The following RPRD1B variants were observed in gnomAD, a reference collection of about 807,000 sequenced individuals.
RPRD1B encodes the protein regulation of nuclear pre-mRNA domain containing 1B.
In RPRD1B, 11 loss-of-function variants were observed where a neutral mutation model predicts 41.5. That is an observed-to-expected ratio of 0.27 (90% CI 0.17 to 0.44). The LOEUF is 0.44. Among genes scored for constraint, RPRD1B ranks in the 20% least tolerant of loss-of-function variants. The pLI is 1.00. For missense variants in RPRD1B, 248 were observed against 389.9 expected (o/e 0.64, Z 3.06); for synonymous variants, 158 against 155.6 (o/e 1.02, Z -0.12).
At chr20:38,040,147 C>G (rs562705664) in intron 1 of RPRD1B, among the ~76,000 whole-genome samples, 31 of 152,262 alleles carry the variant, frequency 2.0e-4, no homozygotes, top group South Asian at 1.2e-3. Context: ...GACTGCTTAT[C>G]CTTTAGGAAT....
intron 2 of RPRD1B, among the ~76,000 whole-genome samples, chr20:38,047,427 T>A (rs1419319891): frequency 6.6e-6 from 1 of 152,164 alleles, no homozygotes; most frequent in Non-Finnish European, 1.5e-5. Flanking sequence ...CTCCTTGAAG[T>A]TCCTATTAAA....
In RPRD1B at chr20:38,092,138, G is replaced by T. The variant is rs533672561; in HGVS notation, c.*2263G>T. ...GTTTTTGTGTTTTTTCTTTCTTAGG[G>T]CATCTGTAGGCCTCAAAGGACCTTT... On this transcript the variant is annotated 3_prime_UTR_variant, in exon 7 of 7. Coordinates refer to ENST00000373433, the MANE Select transcript of RPRD1B (RefSeq NM_021215.4). 12 of 985,528 alleles carry T rather than the reference G, an allele frequency of 1.2e-5. No individual in the cohort carries two copies. The African/African-American group carries it at 1.4e-4, about 11-fold the overall frequency. The allele number at this position is 985,528 out of a possible 1,614,324, so 61.0% of individuals were successfully genotyped here. A position where few individuals can be genotyped will look rare whatever the true frequency, so the allele number is the denominator to read the frequency against.
At chr20:38,089,601 C>T in intron 6 of RPRD1B, 125 bp from the exon 7 acceptor site, 1 of 715,128 alleles carries the variant, frequency 1.4e-6, no homozygotes. Flanking sequence ...TATAGCTGAA[C>T]AGGGTGGGCA....
At chr20:38,071,075 G>A (rs747000474) in intron 6 of RPRD1B, among the ~76,000 whole-genome samples, 5 of 152,148 alleles carry the variant, frequency 3.3e-5, no homozygotes, top group African/African-American at 4.8e-5. Flanking sequence ...GACTGTCAGC[G>A]ATCTAGAACT....
chr20:38,040,625 T>G, intron 2 of RPRD1B, 61 bp downstream of exon 2: 1 of 1,545,206 alleles, frequency 6.5e-7, no homozygotes, highest in Admixed American at 2.0e-5. Context: ...CTTTTTGTTC[T>G]TTCCTTTTCT....
intron 5 of RPRD1B, among the ~76,000 whole-genome samples, chr20:38,065,057 C>T (rs2074340606): frequency 6.6e-6 from 1 of 151,696 alleles, no homozygotes; most frequent in Non-Finnish European, 1.5e-5. Flanking sequence ...TGAAACGCTG[C>T]TTTCATTTTT....
intron 1 of RPRD1B, among the ~76,000 whole-genome samples, chr20:38,035,591 C>G (rs941281334): frequency 6.6e-6 from 1 of 152,144 alleles, no homozygotes; most frequent in Admixed American, 6.5e-5. Context: ...CTCAGCCCTT[C>G]GGGCAGTTCC....
chr20:38,076,905 CCTTTTTTT>C (rs2074466054), intron 6 of RPRD1B, among the ~76,000 whole-genome samples: 17 of 95,200 alleles, frequency 1.8e-4, no homozygotes, highest in Admixed American at 1.6e-3. Context: ...TCATTCTGGA[CCTTTTTTT>C]TTTTTTTTTT....
In RPRD1B at chr20:38,037,133, A is replaced by G. The variant is rs77937114; in HGVS notation, c.151+3035A>G. Among the ~76,000 whole-genome samples, 1,121 of 152,332 alleles carry G rather than the reference A, an allele frequency of 7.4e-3. 15 individuals are homozygous for G. The highest frequency in any genetic ancestry group is 0.025 in the African/African-American group (1,055 of 41,564). ...AGACTGTCTCTGAGTTGCCTTCAAA[A>G]TATATGAGATTTATAAAAATTAACT... is the stretch of plus-strand genomic sequence containing the variant. On this transcript the variant is annotated intron_variant, in intron 1 of 6. Transcript: ENST00000373433.
intron 5 of RPRD1B, among the ~76,000 whole-genome samples, chr20:38,064,514 G>T (rs979543294): frequency 1.3e-5 from 2 of 152,112 alleles, no homozygotes; most frequent in Non-Finnish European, 2.9e-5. Flanking sequence ...CTACTCTTTT[G>T]ATTCATTCAG....
At chr20:38,034,911 A>C (rs1389359959) in intron 1 of RPRD1B, among the ~76,000 whole-genome samples, 1 of 152,200 alleles carries the variant, frequency 6.6e-6, no homozygotes, top group Non-Finnish European at 1.5e-5. Flanking sequence ...CCAGCAACTT[A>C]ACCTGTCTGT....
chr20:38,043,044 T>A (rs926142982), intron 2 of RPRD1B, among the ~76,000 whole-genome samples: 6 of 152,220 alleles, frequency 3.9e-5, no homozygotes, highest in African/African-American at 1.4e-4. Flanking sequence ...GTGCCTTCTA[T>A]GTGCCAAGTA....
At chr20:38,079,032 G>T (rs1237264617) in intron 6 of RPRD1B, among the ~76,000 whole-genome samples, 3 of 152,096 alleles carry the variant, frequency 2.0e-5, no homozygotes, top group Non-Finnish European at 4.4e-5. Flanking sequence ...ATTAAGTATT[G>T]CTCATAAAAT....
Position 38,090,931 on chromosome 20 carries a change from G to A in RPRD1B, c.*1056G>A, listed in dbSNP as rs1030929982. ...ACTGCACAGGTCCTTGTCCCCACACGACGGGGAGTACTTGCGTCAGATGTT... is the reference window on the plus strand; with the variant it reads ...ACTGCACAGGTCCTTGTCCCCACACAACGGGGAGTACTTGCGTCAGATGTT... On this transcript the variant is annotated 3_prime_UTR_variant, in exon 7 of 7. Transcript: ENST00000373433. 57 of 985,308 alleles carry A rather than the reference G, an allele frequency of 5.8e-5. No individual in the cohort carries two copies. In the African/African-American group the frequency reaches 8.7e-4, roughly 15 times the overall value. 61.0% of individuals were successfully genotyped at this position (985,308 alleles called of 1,614,324 possible). A position where few individuals can be genotyped will look rare whatever the true frequency, so the allele number is the denominator to read the frequency against.
chr20:38,038,230 ACATCAGTTT>A (rs1213049716), intron 1 of RPRD1B, among the ~76,000 whole-genome samples: 2 of 152,130 alleles, frequency 1.3e-5, no homozygotes, highest in Admixed American at 6.5e-5. Flanking sequence ...AGCATTTAAG[ACATCAGTTT>A]CATCAGTTTA....
intron 1 of RPRD1B, among the ~76,000 whole-genome samples, chr20:38,038,118 G>A (rs1012389189): frequency 1.3e-5 from 2 of 152,114 alleles, no homozygotes; most frequent in Non-Finnish European, 2.9e-5. Context: ...TTAGAAAGTT[G>A]AAGAAAGCTC....
chr20:38,039,327 T>TAG (rs2122690698), intron 1 of RPRD1B, among the ~76,000 whole-genome samples: 1 of 152,292 alleles, frequency 6.6e-6, no homozygotes, highest in South Asian at 2.1e-4. Flanking sequence ...TTGGTGCACC[T>TAG]AGAGATTCTT....
Position 38,090,207 on chromosome 20 carries a change from G to A in RPRD1B, c.*332G>A. ...ATGAAAATCATGTGTACTTCTGGAA[G>A]CTTTCGAAAGAATCTTGTCCCTCAT... On this transcript the variant is annotated 3_prime_UTR_variant, in exon 7 of 7. Transcript: ENST00000373433. 3.0e-6 allele frequency: 3 copies of A among 1,013,614 alleles called. No individual in the cohort carries two copies. Among genetic ancestry groups the A allele is most frequent in the Non-Finnish European group, 3.5e-6 (3 of 848,178 alleles). The allele number at this position is 1,013,614 out of a possible 1,614,324, so 62.8% of individuals were successfully genotyped here.
chr20:38,089,675 GC>G, intron 6 of RPRD1B, 50 bp from the exon 7 acceptor site: 1 of 1,504,694 alleles, frequency 6.6e-7, no homozygotes, highest in Middle Eastern at 1.7e-4. Context: ...CAGCACCCAT[GC>G]CCTCGGCACG....
Sources: allele counts gnomAD v4.1 joint callset (sites outside exome capture counted in the v4.1 genomes callset), GRCh38; gene constraint gnomAD v4.1.1; transcripts MANE v1.5; gene names NCBI Gene and HGNC (gene_info 2026-07-23, HGNC 2026-07-21).